PDXDC1: variants seen among roughly 807,000 people sequenced by gnomAD.
PDXDC1 encodes the protein pyridoxal-dependent decarboxylase domain-containing protein 1.
In PDXDC1, 42 loss-of-function variants were observed where a neutral mutation model predicts 100.1. The ratio of observed to expected loss-of-function variants is 0.42; its 90% CI spans 0.33 to 0.54. The LOEUF is 0.54. PDXDC1 is among the 20% of genes least tolerant of loss of function. The pLI, the probability that PDXDC1 is intolerant of heterozygous loss-of-function variation, is 0.10. For synonymous variants in PDXDC1, 260 were observed against 371.7 expected (o/e 0.70, Z 3.46); for missense variants, 636 against 979.2 (o/e 0.65, Z 4.68).
chr16:15,098,311 C>T (rs1441888700), intron 16 of PDXDC1, among the ~76,000 whole-genome samples: 6 of 151,220 alleles, frequency 4.0e-5, no homozygotes, highest in Non-Finnish European at 4.4e-5. Context: ...AGCGATTCTC[C>T]TGCCTCAGCC....
intron 16 of PDXDC1, chr16:15,061,749 G>C (rs1402411944): frequency 1.2e-6 from 2 of 1,607,002 alleles, no homozygotes; most frequent in Non-Finnish European, 1.7e-6. Context: ...TGCCGTCAGA[G>C]GGGACTGGGT....
intron 19 of PDXDC1, 91 bp from the exon 20 acceptor site, chr16:15,034,195 T>C (rs2043251161): frequency 1.8e-6 from 2 of 1,090,344 alleles, no homozygotes; most frequent in Admixed American, 2.1e-5. Context: ...TGACCTGCTT[T>C]TGAAAAATTC....
At chr16:15,068,859 A>AT (rs1278199658) in intron 16 of PDXDC1, among the ~76,000 whole-genome samples, 1 of 152,228 alleles carries the variant, frequency 6.6e-6, no homozygotes, top group Non-Finnish European at 1.5e-5. Context: ...CATCACATTT[A>AT]TTTTAAGAGG....
rs148964871 is a variant in PDXDC1 at position 15,082,565 on chromosome 16, C to T, written c.1399+52509C>T. 1.7e-4 allele frequency among the ~76,000 whole-genome samples: 26 copies of T among 151,840 alleles called. No homozygotes were observed. In the South Asian group the frequency reaches 4.0e-3, roughly 23 times the overall value. Reference sequence around the variant, plus strand: ...CCCCATGTCTATAGTCCCACCTACTCGGGAGGCTGAGGTGGGAGAGTCACT... The same window carrying T: ...CCCCATGTCTATAGTCCCACCTACTTGGGAGGCTGAGGTGGGAGAGTCACT... On this transcript the variant is annotated intron_variant, in intron 16 of 16. Coordinates refer to the PDXDC1 transcript ENST00000535621.
At chr16:15,130,959 C>G (rs1340385116) in intron 16 of PDXDC1, 4 of 748,962 alleles carry the variant, frequency 5.3e-6, no homozygotes, top group African/African-American at 5.2e-5. Context: ...CCTCTCCGGC[C>G]AGGCCCCCAG....
At chr16:15,060,225 C>G (rs1437757342) in intron 16 of PDXDC1, 1 of 365,554 alleles carries the variant, frequency 2.7e-6, no homozygotes, top group Non-Finnish European at 5.4e-6. Flanking sequence ...TGGGGAATTT[C>G]GTTTACTCGT....
At chr16:15,059,144 C>A (rs2044626045) in intron 16 of PDXDC1, among the ~76,000 whole-genome samples, 2 of 152,194 alleles carry the variant, frequency 1.3e-5, no homozygotes, top group African/African-American at 4.8e-5. Flanking sequence ...CATGTCCAGA[C>A]CCCTCTTCTG....
chr16:15,088,133 A>C (rs553585672), intron 16 of PDXDC1, among the ~76,000 whole-genome samples: 10 of 151,976 alleles, frequency 6.6e-5, no homozygotes, highest in Non-Finnish European at 4.4e-5. Context: ...AAAAAAAAAA[A>C]GTAAATCAGT....
chr16:15,073,308 A>C (rs1439116595), intron 16 of PDXDC1, among the ~76,000 whole-genome samples: 1 of 152,114 alleles, frequency 6.6e-6, no homozygotes, highest in Non-Finnish European at 1.5e-5. Flanking sequence ...AAAATCAAAA[A>C]ATTAGCCAGG....
downstream of PDXDC1, among the ~76,000 whole-genome samples, chr16:15,141,009 G>A (rs1220672015): frequency 2.0e-5 from 3 of 151,702 alleles, no homozygotes; most frequent in South Asian, 2.1e-4. Context: ...GGCCCAAGCC[G>A]GGGTGGCCTC....
At chr16:15,130,309 G>A (rs756364005) in intron 16 of PDXDC1, 35 of 1,541,578 alleles carry the variant, frequency 2.3e-5, no homozygotes, top group South Asian at 6.0e-5. Context: ...TCCTCCAGGG[G>A]CAGCAGCCCC....
intron 1 of PDXDC1, among the ~76,000 whole-genome samples, chr16:14,984,549 G>A (rs1423305825): frequency 1.3e-5 from 2 of 148,458 alleles, no homozygotes; most frequent in Non-Finnish European, 3.0e-5. Flanking sequence ...CCAGGCTGGA[G>A]TGCAATGGCG....
downstream of PDXDC1, among the ~76,000 whole-genome samples, chr16:15,143,682 G>A (rs2048509315): frequency 6.6e-6 from 1 of 152,214 alleles, no homozygotes; most frequent in Non-Finnish European, 1.5e-5. Context: ...GCCGGGGTCG[G>A]GGCGTGCAAC....
chr16:14,989,611 C>CG, intron 1 of PDXDC1: 1 of 1,606,698 alleles, frequency 6.2e-7, no homozygotes. Context: ...AGCACGCAGT[C>CG]GCGGCCGGAC....
chr16:14,987,176 G>A (rs1196896468), intron 1 of PDXDC1, among the ~76,000 whole-genome samples: 1 of 152,284 alleles, frequency 6.6e-6, no homozygotes, highest in African/African-American at 2.4e-5. Context: ...AATTTTCCCT[G>A]TAAAGTGTCA....
chr16:14,985,035 C>G (rs1031010678), intron 1 of PDXDC1, among the ~76,000 whole-genome samples: 4 of 150,358 alleles, frequency 2.7e-5, no homozygotes, highest in African/African-American at 9.7e-5. Flanking sequence ...CCATTGCACA[C>G]GACTAGTTTT....
At chr16:15,150,355 A>G in the PDXDC1 span, among the ~76,000 whole-genome samples, 120 of 147,948 alleles carry the variant, frequency 8.1e-4, no homozygotes, top group African/African-American at 2.7e-3. Context: ...AACAATAAAT[A>G]AATAAATAAA....
At chr16:15,085,032 C>T (rs974253573) in intron 16 of PDXDC1, among the ~76,000 whole-genome samples, 3 of 152,160 alleles carry the variant, frequency 2.0e-5, no homozygotes, top group Non-Finnish European at 2.9e-5. Context: ...CACCACTATA[C>T]TCCAGCCTGG....
intron 19 of PDXDC1, 119 bp downstream of exon 19, chr16:15,033,518 A>C: frequency 8.4e-7 from 1 of 1,186,824 alleles, no homozygotes; most frequent in Non-Finnish European, 1.2e-6. Context: ...AAGTCTGTCA[A>C]TGTTTCCTGT....
Sources: allele counts gnomAD v4.1 joint callset (sites outside exome capture counted in the v4.1 genomes callset), GRCh38; gene constraint gnomAD v4.1.1; transcripts MANE v1.5; gene names NCBI Gene and HGNC (gene_info 2026-07-23, HGNC 2026-07-21).